The following WDR72 variants were observed in gnomAD, a reference collection of about 807,000 sequenced individuals.
WDR72 encodes the protein WD repeat-containing protein 72.
WDR72 carries 120 observed loss-of-function variants against 124.2 expected under a neutral mutation model. The observed-to-expected ratio is 0.97, with a 90% CI of 0.83 to 1.12. The LOEUF is 1.12. WDR72 is among the 50% of genes most tolerant of loss of function. The probability of loss-of-function intolerance (pLI) is 0.00; values close to 1 mark genes in which losing one functional copy is unlikely to be tolerated. For missense variants in WDR72, 1,387 were observed against 1,278.8 expected (o/e 1.08, Z -1.29); for synonymous variants, 452 against 441.7 (o/e 1.02, Z -0.29).
intron 13 of WDR72, among the ~76,000 whole-genome samples, chr15:53,695,226 C>G (rs1386520567): frequency 1.3e-5 from 2 of 152,182 alleles, no homozygotes; most frequent in East Asian, 3.8e-4. Flanking sequence ...AGACCTTCAA[C>G]AGAAAGTTAC....
At chr15:53,536,218 A>G (rs1164292074) in intron 18 of WDR72, among the ~76,000 whole-genome samples, 1 of 152,156 alleles carries the variant, frequency 6.6e-6, no homozygotes, top group Non-Finnish European at 1.5e-5. Flanking sequence ...GTCACCCTCC[A>G]AAGGAAAAGA....
At chr15:53,678,735 C>G (rs570626830) in intron 13 of WDR72, among the ~76,000 whole-genome samples, 1 of 152,292 alleles carries the variant, frequency 6.6e-6, no homozygotes, top group South Asian at 2.1e-4. Flanking sequence ...TATCCTATGC[C>G]ACAAGGTTCT....
At chr15:53,598,648 T>C (rs1157373190) in intron 17 of WDR72, among the ~76,000 whole-genome samples, 1 of 152,094 alleles carries the variant, frequency 6.6e-6, no homozygotes, top group East Asian at 1.9e-4. Context: ...TGGAGCAGCT[T>C]CCTGATTGCT....
chr15:53,706,342 G>GTGTGTATATATATATATATATATATATA, intron 9 of WDR72, among the ~76,000 whole-genome samples: 2 of 45,564 alleles, frequency 4.4e-5, no homozygotes, highest in African/African-American at 2.0e-4. Flanking sequence ...GTGTGTGTGT[G>GTGTGTATATATATATATATATATATATA]TGTGTGTGTA....
At chr15:53,521,960 G>A (rs1891824071) in intron 19 of WDR72, among the ~76,000 whole-genome samples, 1 of 151,938 alleles carries the variant, frequency 6.6e-6, no homozygotes, top group Admixed American at 6.6e-5. Context: ...ATGGCAAGGG[G>A]TGGGGTTAAT....
At chr15:53,664,997 T>C (rs2015728664) in intron 14 of WDR72, among the ~76,000 whole-genome samples, 1 of 152,112 alleles carries the variant, frequency 6.6e-6, no homozygotes, top group African/African-American at 2.4e-5. Context: ...AGAAATCAGA[T>C]TAAATTACTA....
intron 16 of WDR72, among the ~76,000 whole-genome samples, chr15:53,612,982 A>T (rs1433775908): frequency 6.6e-6 from 1 of 152,018 alleles, no homozygotes; most frequent in Non-Finnish European, 1.5e-5. Flanking sequence ...ATACATTCTG[A>T]AGGTAGAACT....
chr15:53,639,514 A>C (rs1442077400), intron 14 of WDR72, among the ~76,000 whole-genome samples: 2 of 146,950 alleles, frequency 1.4e-5, no homozygotes, highest in African/African-American at 4.9e-5. Flanking sequence ...AATTATATAT[A>C]ATTTTATTTA....
intron 18 of WDR72, among the ~76,000 whole-genome samples, chr15:53,578,688 T>G (rs2011750015): frequency 6.6e-6 from 1 of 152,020 alleles, no homozygotes; most frequent in African/African-American, 2.4e-5. Flanking sequence ...TAATCTGCAC[T>G]TTATCCTAAG....
At chr15:53,617,143 G>T (rs923758070) in intron 14 of WDR72, among the ~76,000 whole-genome samples, 1 of 151,532 alleles carries the variant, frequency 6.6e-6, no homozygotes, top group African/African-American at 2.4e-5. Flanking sequence ...TATATCGATC[G>T]GTGAAAAACA....
At position 53,621,933 on chromosome 15, in the gene WDR72, A is replaced by T. The variant is rs185025065; in HGVS notation, c.1963-5690T>A. ...AACTTAAACAAATTTACAAGAAAAA[A>T]ACAAACAACCCCATTAAAATGTGGG... is the stretch of plus-strand genomic sequence containing the variant. On this transcript the variant is annotated intron_variant, in intron 14 of 19. Coordinates refer to ENST00000360509, the MANE Select transcript of WDR72 (RefSeq NM_182758.4). Among the ~76,000 whole-genome samples the T allele has an allele frequency of 2.8e-3, 421 of 152,284 alleles. 1 individual carries two copies. Among genetic ancestry groups the T allele is most frequent in the Non-Finnish European group, 4.2e-3 (286 of 68,014 alleles).
At chr15:53,626,508 C>T (rs967084745) in intron 14 of WDR72, among the ~76,000 whole-genome samples, 3 of 152,130 alleles carry the variant, frequency 2.0e-5, no homozygotes, top group South Asian at 2.1e-4. Context: ...CAGCTCCAGC[C>T]GTAACAAACA....
chr15:53,533,707 A>G (rs1366395200), intron 18 of WDR72, among the ~76,000 whole-genome samples: 1 of 152,110 alleles, frequency 6.6e-6, no homozygotes, highest in Non-Finnish European at 1.5e-5. Context: ...GAGACTGCTC[A>G]CTGTCCCCTG....
chr15:53,540,363 A>AC (rs1296993228), intron 18 of WDR72, among the ~76,000 whole-genome samples: 1 of 152,084 alleles, frequency 6.6e-6, no homozygotes, highest in Non-Finnish European at 1.5e-5. Context: ...TTCCGGAGTG[A>AC]CCCCTCCAAC....
intron 18 of WDR72, among the ~76,000 whole-genome samples, chr15:53,525,168 T>C (rs886930706): frequency 6.6e-6 from 1 of 152,098 alleles, no homozygotes; most frequent in African/African-American, 2.4e-5. Context: ...TTTGAATCCA[T>C]AGATTTTTTG....
At chr15:53,739,849 A>G (rs1226074774) in intron 1 of WDR72, among the ~76,000 whole-genome samples, 1 of 152,090 alleles carries the variant, frequency 6.6e-6, no homozygotes, top group East Asian at 1.9e-4. Flanking sequence ...GAAACTGGGC[A>G]TTTTTTTACG....
At chr15:53,709,841 A>G (rs1282672116) in intron 9 of WDR72, among the ~76,000 whole-genome samples, 1 of 152,210 alleles carries the variant, frequency 6.6e-6, no homozygotes, top group Non-Finnish European at 1.5e-5. Context: ...CAATCACTGA[A>G]CTATAGGATT....
chr15:53,637,462 T>C (rs2014667373), intron 14 of WDR72, among the ~76,000 whole-genome samples: 1 of 152,198 alleles, frequency 6.6e-6, no homozygotes, highest in Non-Finnish European at 1.5e-5. Flanking sequence ...AAAAAGTGCT[T>C]TGAGCATGTT....
In WDR72 at chr15:53,513,790, A is replaced by C. The variant is rs1394424018; in HGVS notation, c.*3909T>G. 1 of 152,186 alleles carries C rather than the reference A, an allele frequency of 6.6e-6. No homozygotes were observed. Among genetic ancestry groups the C allele is most frequent in the Non-Finnish European group, 1.5e-5 (1 of 68,030 alleles). 9.4% of individuals were successfully genotyped at this position (152,186 alleles called of 1,614,324 possible). A position where few individuals can be genotyped will look rare whatever the true frequency, so the allele number is the denominator to read the frequency against. On this transcript the variant is annotated 3_prime_UTR_variant, in exon 20 of 20. Transcript: ENST00000360509. ...ATATTTATAAAAATTAAATTACTGC[A>C]AAAACTCCACAACATCAACATTTTA...
Sources: allele counts gnomAD v4.1 joint callset (sites outside exome capture counted in the v4.1 genomes callset), GRCh38; gene constraint gnomAD v4.1.1; transcripts MANE v1.5; gene names NCBI Gene and HGNC (gene_info 2026-07-23, HGNC 2026-07-21).